ZDHHC24: variants seen among roughly 807,000 people sequenced by gnomAD.
The protein encoded by ZDHHC24 is zDHHC palmitoyltransferase 24.
A neutral mutation model predicts 23.2 loss-of-function variants in ZDHHC24; 17 were observed. The observed-to-expected ratio is 0.73, with a 90% confidence interval of 0.50 to 1.10. ZDHHC24 has a LOEUF of 1.10. Ranked by LOEUF, ZDHHC24 falls within the 50% of genes least tolerant of loss-of-function variation. The pLI, the probability that ZDHHC24 is intolerant of heterozygous loss-of-function variation, is 0.00. For missense variants in ZDHHC24, 366 were observed against 393.0 expected, an observed-to-expected ratio of 0.93 and a Z score of 0.58; for synonymous variants, 186 against 194.5, an observed-to-expected ratio of 0.96 and a Z score of 0.36.
At chr11:66,543,553 G>A (rs1266850415) in intron 2 of ZDHHC24, 151 bp downstream of exon 2, 7 of 991,830 alleles carry the variant, frequency 7.1e-6, no homozygotes, top group East Asian at 2.6e-5. Flanking sequence ...CTGCACCCCC[G>A]GGTGAATACC....
chr11:66,532,173 T>C, downstream of ZDHHC24: 2 of 916,940 alleles, frequency 2.2e-6, no homozygotes, highest in Admixed American at 2.4e-5. Context: ...ACCCGCTTCC[T>C]CACCACCCCC....
intron 2 of ZDHHC24, among the ~76,000 whole-genome samples, chr11:66,541,514 G>A (rs1389218313): frequency 2.6e-5 from 4 of 152,186 alleles, no homozygotes. Context: ...AGAAGCCCAG[G>A]CTGGACAAAC....
chr11:66,529,556 G>A (rs1802603729), intron 2 of ZDHHC24: 5 of 701,036 alleles, frequency 7.1e-6, no homozygotes, highest in South Asian at 1.5e-5. Flanking sequence ...CAGCCTCTAG[G>A]GCCGGACAGA....
At chr11:66,525,117 G>A (rs755204092) in intron 4 of ZDHHC24, among the ~76,000 whole-genome samples, 19 of 151,362 alleles carry the variant, frequency 1.3e-4, no homozygotes, top group African/African-American at 2.2e-4. Context: ...GGAGAATGGC[G>A]TGAACCTGGG....
chr11:66,526,755 A>G (rs1278516168), intron 4 of ZDHHC24: 1 of 1,614,242 alleles, frequency 6.2e-7, no homozygotes. Context: ...ATGTGCCCCG[A>G]AAGACCCGGC....
At chr11:66,530,846 C>T, downstream of ZDHHC24, 1 of 1,614,044 alleles carries the variant, frequency 6.2e-7, no homozygotes, top group Non-Finnish European at 8.5e-7. Context: ...TACTCCGTGC[C>T]CAAGGCTGCC....
downstream of ZDHHC24, among the ~76,000 whole-genome samples, chr11:66,535,566 T>C (rs1856942337): frequency 6.6e-6 from 1 of 152,078 alleles, no homozygotes. Context: ...TGATAGTGCA[T>C]GTATAATAGC....
In ZDHHC24 at chr11:66,539,272, A is replaced by C. The variant is rs761045744; in HGVS notation, c.*257T>G. The C allele has an allele frequency of 7.9e-5, 96 of 1,214,256 alleles. No individual in the cohort carries two copies. Among genetic ancestry groups the C allele is most frequent in the Non-Finnish European group, 8.8e-5 (86 of 976,802 alleles). 75.2% of individuals were successfully genotyped at this position (1,214,256 alleles called of 1,614,324 possible). A position where few individuals can be genotyped will look rare whatever the true frequency, so the allele number is the denominator to read the frequency against. ...ATGGAGGGAGGCTGAGAAACAAGTCAGTGCTTTATTAACCTGGCAAAGGGG... is the reference window on the plus strand; with the variant it reads ...ATGGAGGGAGGCTGAGAAACAAGTCCGTGCTTTATTAACCTGGCAAAGGGG... On this transcript the variant is annotated 3_prime_UTR_variant, in exon 3 of 3. Transcript: ENST00000310442.
intron 4 of ZDHHC24, chr11:66,522,763 G>A (rs952882321): frequency 1.7e-5 from 4 of 236,236 alleles, no homozygotes; most frequent in African/African-American, 4.6e-5. Context: ...TCCTCATGGC[G>A]AAGACAGATG....
chr11:66,533,621 G>A (rs1856867794), downstream of ZDHHC24: 1 of 152,198 alleles, frequency 6.6e-6, no homozygotes, highest in Non-Finnish European at 1.5e-5. Context: ...TGGAGTTAAT[G>A]AGTTGCCCTG....
intron 4 of ZDHHC24, chr11:66,526,501 C>T: frequency 1.0e-6 from 1 of 960,976 alleles, no homozygotes; most frequent in Non-Finnish European, 1.7e-6. Flanking sequence ...TATTAAGATG[C>T]ACTTTGTTAC....
At chr11:66,543,596 G>C in intron 2 of ZDHHC24, 108 bp downstream of exon 2, 1 of 1,391,038 alleles carries the variant, frequency 7.2e-7, no homozygotes, top group Non-Finnish European at 9.5e-7. Flanking sequence ...CTGACACTGG[G>C]GCTGGGTCCC....
Position 66,543,999 on chromosome 11 carries a change from A to G in ZDHHC24, c.282-18T>C, listed in dbSNP as rs779883874. On this transcript the variant is annotated intron_variant, in intron 1 of 2. Transcript: ENST00000310442. ...AGCAGTAACTGCAGGAAGGAACCAC[A>G]GCGTCAGTTCCCCCAGCAGCTCAGA... is the stretch of plus-strand genomic sequence containing the variant. 8 of 1,610,372 alleles carry G rather than the reference A, an allele frequency of 5.0e-6. No homozygotes were observed. The highest frequency in any genetic ancestry group is 6.8e-6 in the Non-Finnish European group (8 of 1,177,444).
At chr11:66,543,164 G>A (rs190097378) in intron 2 of ZDHHC24, among the ~76,000 whole-genome samples, 289 of 152,228 alleles carry the variant, frequency 1.9e-3, no homozygotes, top group African/African-American at 6.4e-3. Context: ...CATATGTGTC[G>A]TCTAGAACAT....
downstream of ZDHHC24, among the ~76,000 whole-genome samples, chr11:66,534,443 C>CAA (rs1158925348): frequency 1.2e-3 from 33 of 26,822 alleles, 4 homozygotes; most frequent in Non-Finnish European, 1.8e-3. Context: ...AACTCTGTCT[C>CAA]AAAAAAAAAA....
chr11:66,530,894 G>A, downstream of ZDHHC24: 1 of 1,614,192 alleles, frequency 6.2e-7, no homozygotes, highest in Non-Finnish European at 8.5e-7. Flanking sequence ...CTCTCCATAG[G>A]TTCAGGGCCT....
intron 2 of ZDHHC24, among the ~76,000 whole-genome samples, chr11:66,540,769 G>A (rs1049082570): frequency 6.6e-6 from 1 of 151,592 alleles, no homozygotes; most frequent in Non-Finnish European, 1.5e-5. Context: ...CCACAGAAAA[G>A]CCAGTATCCT....
At chr11:66,530,913 C>A (rs1370539198), downstream of ZDHHC24, 3 of 1,614,102 alleles carry the variant, frequency 1.9e-6, no homozygotes, top group Admixed American at 3.3e-5. Context: ...CTTGGCCCCA[C>A]CTTTAAGCTC....
Position 66,539,540 on chromosome 11 carries a change from T to A in ZDHHC24, c.844A>T (p.Thr282Ser). ...GGCTCTTCCTGGAGTCAGGAGGCTG[T>A]GTGTCCCACATCTGCTGTGGTCTGG... is the stretch of plus-strand genomic sequence containing the variant. ...TFQTTADVGHTAS is the reference protein window; with the variant it reads ...TFQTTADVGHSAS The change falls in exon 3 of 3, where the codon ACA (threonine) becomes TCA (serine). Residue 282 changes from threonine (T) to serine (S), a missense_variant. By Grantham distance (58) the Thr-to-Ser change is moderately conservative (BLOSUM62 1). Coordinates refer to ENST00000310442, the MANE Select transcript of ZDHHC24 (RefSeq NM_207340.3). The A allele has an allele frequency of 1.3e-6, 2 of 1,570,522 alleles. No individual in the cohort carries two copies. The highest frequency in any genetic ancestry group is 1.7e-6 in the Non-Finnish European group (2 of 1,157,642).
Sources: allele counts gnomAD v4.1 joint callset (sites outside exome capture counted in the v4.1 genomes callset), GRCh38; gene constraint gnomAD v4.1.1; transcripts MANE v1.5; gene names NCBI Gene and HGNC (gene_info 2026-07-23, HGNC 2026-07-21).